CAPN5: variants seen among roughly 807,000 people sequenced by gnomAD.
CAPN5 encodes calpain-5.
In CAPN5, 54 loss-of-function variants were observed where a neutral mutation model predicts 73.0. The ratio of observed to expected loss-of-function variants is 0.74; its 90% CI spans 0.59 to 0.93. CAPN5 has a LOEUF of 0.93. Ranked by LOEUF, CAPN5 falls within the 40% of genes least tolerant of loss-of-function variation. CAPN5 has a pLI of 0.00. For synonymous variants in CAPN5, 335 were observed against 356.9 expected (o/e 0.94, Z 0.69); for missense variants, 785 against 882.9 (o/e 0.89, Z 1.41).
intron 3 of CAPN5, among the ~76,000 whole-genome samples, chr11:77,111,602 T>G (rs7951856): frequency 0.084 from 12,743 of 152,242 alleles, 711 homozygotes; most frequent in East Asian, 0.28. Flanking sequence ...AATTCATTCA[T>G]TCAGTCAATG....
intron 1 of CAPN5, among the ~76,000 whole-genome samples, chr11:77,077,332 G>C (rs181872039): frequency 1.2e-3 from 182 of 152,146 alleles, no homozygotes; most frequent in African/African-American, 4.2e-3. Context: ...ACTTGAGCCT[G>C]GGCGACAGAG....
rs781925940 is a variant in CAPN5, at chr11:77,112,577, C to A, written c.298-12C>A. 70 of 1,609,730 alleles carry A rather than the reference C, an allele frequency of 4.3e-5. No individual in the cohort carries two copies. The highest frequency in any genetic ancestry group is 5.4e-5 in the Non-Finnish European group (64 of 1,176,696). ...TGTGTTCCCCCATCCTATCCCCCCT[C>A]CCCCTACCCAGGTCATCCCAGACTG... On this transcript the variant is annotated splice_polypyrimidine_tract_variant and intron_variant, in intron 3 of 12. Transcript: ENST00000648180.
chr11:77,112,584 C>T lies in CAPN5; in HGVS notation c.298-5C>T, dbSNP rs781802409. ...CCCCATCCTATCCCCCCTCCCCCTA[C>T]CCAGGTCATCCCAGACTGGAAGGAG... On this transcript the variant is annotated splice_region_variant and splice_polypyrimidine_tract_variant and intron_variant, in intron 3 of 12. Coordinates refer to ENST00000648180, the MANE Select transcript of CAPN5 (RefSeq NM_004055.5). The T allele has an allele frequency of 1.2e-6, 2 of 1,612,690 alleles. No individual in the cohort carries two copies. Among genetic ancestry groups the T allele is most frequent in the South Asian group, 1.1e-5 (1 of 91,046 alleles).
intron 1 of CAPN5, among the ~76,000 whole-genome samples, chr11:77,084,132 C>T (rs1950056929): frequency 1.3e-5 from 2 of 152,208 alleles, no homozygotes; most frequent in African/African-American, 2.4e-5. Flanking sequence ...TGTTCCTTGC[C>T]CTGCCCTGCC....
At chr11:77,098,185 C>A (rs1462020060) in intron 3 of CAPN5, among the ~76,000 whole-genome samples, 1 of 63,628 alleles carries the variant, frequency 1.6e-5, no homozygotes, top group Non-Finnish European at 2.9e-5. Flanking sequence ...CGGGCAGAGG[C>A]GTCCCTCACC....
intron 1 of CAPN5, among the ~76,000 whole-genome samples, chr11:77,078,720 T>C (rs1949998386): frequency 6.6e-6 from 1 of 152,206 alleles, no homozygotes; most frequent in Admixed American, 6.5e-5. Context: ...TACATATCTG[T>C]ATCTTTCCAT....
chr11:77,101,285 G>A (rs1189764184), intron 3 of CAPN5, among the ~76,000 whole-genome samples: 1 of 152,186 alleles, frequency 6.6e-6, no homozygotes, highest in Non-Finnish European at 1.5e-5. Flanking sequence ...CAAAAACTGA[G>A]CAACTCAACA....
At chr11:77,086,128 T>A (rs1322285078) in intron 2 of CAPN5, among the ~76,000 whole-genome samples, 2 of 152,200 alleles carry the variant, frequency 1.3e-5, no homozygotes, top group African/African-American at 4.8e-5. Flanking sequence ...GGGGCCAAGA[T>A]GCTCGACCTT....
At chr11:77,102,991 CTG>C (rs1565269706) in intron 3 of CAPN5, 2 of 1,613,490 alleles carry the variant, frequency 1.2e-6, no homozygotes, top group Non-Finnish European at 1.7e-6. Context: ...CCAGCGGAGT[CTG>C]TGTACCGCCT....
At chr11:77,085,998 G>C (rs529375597) in intron 2 of CAPN5, among the ~76,000 whole-genome samples, 6 of 152,332 alleles carry the variant, frequency 3.9e-5, no homozygotes, top group African/African-American at 1.4e-4. Context: ...GAGGTGAAGG[G>C]TGATGAGGTT....
intron 3 of CAPN5, among the ~76,000 whole-genome samples, chr11:77,094,986 A>G (rs189221975): frequency 7.0e-4 from 107 of 152,260 alleles, no homozygotes; most frequent in African/African-American, 2.5e-3. Flanking sequence ...CTTGCTCTTG[A>G]GTCTGCAGAA....
chr11:77,072,196 C>A (rs1356237429), intron 1 of CAPN5, among the ~76,000 whole-genome samples: 2 of 152,236 alleles, frequency 1.3e-5, no homozygotes, highest in African/African-American at 4.8e-5. Context: ...TCCAGACTTG[C>A]CTGAATGATT....
intron 3 of CAPN5, among the ~76,000 whole-genome samples, chr11:77,106,234 T>C (rs528358939): frequency 6.6e-6 from 1 of 151,768 alleles, no homozygotes; most frequent in South Asian, 2.1e-4. Flanking sequence ...CCTCACAGCA[T>C]GCGCAGAACC....
At chr11:77,117,550 G>A (rs1370201149) in intron 7 of CAPN5, among the ~76,000 whole-genome samples, 1 of 152,176 alleles carries the variant, frequency 6.6e-6, no homozygotes, top group Non-Finnish European at 1.5e-5. Flanking sequence ...ATAAAAACAC[G>A]GCAGAGCTCC....
rs1342373158 is a variant in CAPN5 at position 77,125,666 on chromosome 11, T to C, written c.*1796T>C. ...CATTCATGTAATCACCACTTCTCGA[T>C]GTCTATTTCAAATCAAGGCTCCTGA... On this transcript the variant is annotated 3_prime_UTR_variant, in exon 13 of 13. Transcript: ENST00000648180. 2 of 151,332 alleles carry C rather than the reference T, an allele frequency of 1.3e-5. No individual in the cohort carries two copies. Among genetic ancestry groups the C allele is most frequent in the Non-Finnish European group, 2.9e-5 (2 of 67,912 alleles). The allele number at this position is 151,332 out of a possible 1,614,324, so 9.4% of individuals were successfully genotyped here.
At chr11:77,087,630 G>A (rs938945895) in intron 2 of CAPN5, among the ~76,000 whole-genome samples, 1 of 152,068 alleles carries the variant, frequency 6.6e-6, no homozygotes, top group Non-Finnish European at 1.5e-5. Context: ...CTCCTGCTTG[G>A]GCCTCAGTTT....
intron 7 of CAPN5, among the ~76,000 whole-genome samples, chr11:77,116,843 A>G (rs1390215703): frequency 2.0e-5 from 3 of 152,232 alleles, no homozygotes; most frequent in Admixed American, 1.3e-4. Context: ...TGGGCAAGGA[A>G]GAGGACGTGG....
At chr11:77,091,309 C>T (rs569421761) in intron 2 of CAPN5, among the ~76,000 whole-genome samples, 3 of 152,308 alleles carry the variant, frequency 2.0e-5, no homozygotes, top group African/African-American at 4.8e-5. Flanking sequence ...CATTCAAATT[C>T]GGTCTTCCTG....
intron 3 of CAPN5, among the ~76,000 whole-genome samples, chr11:77,108,736 C>CAA (rs34493509): frequency 7.1e-6 from 1 of 140,892 alleles, no homozygotes; most frequent in African/African-American, 2.6e-5. Context: ...GATAAGGGCT[C>CAA]AAAAAAAAAA....
Sources: gnomAD v4.1 joint callset for allele counts (sites outside exome capture counted in the v4.1 genomes callset) on GRCh38, gnomAD v4.1.1 for gene constraint, MANE v1.5 for transcripts, NCBI Gene and HGNC (gene_info 2026-07-23, HGNC 2026-07-21) for gene names.